The following HGD variants were observed in gnomAD, a reference collection of about 807,000 sequenced individuals.
HGD encodes the protein homogentisate 1,2-dioxygenase.
A neutral mutation model predicts 60.8 loss-of-function variants in HGD; 61 were observed. The observed-to-expected ratio is 1.00, with a 90% CI of 0.82 to 1.24. The LOEUF is 1.24. Among genes scored for constraint, HGD ranks in the 50% most tolerant of loss-of-function variants. HGD has a pLI of 0.00. For synonymous variants in HGD, 212 were observed against 187.7 expected (o/e 1.13, Z -1.06); for missense variants, 542 against 547.1 (o/e 0.99, Z 0.09).
At chr3:120,650,625 A>G in intron 6 of HGD, 149 bp downstream of exon 6, 1 of 702,040 alleles carries the variant, frequency 1.4e-6, no homozygotes, top group Non-Finnish European at 2.6e-6. Context: ...CAATAAATAT[A>G]TATGAATATT....
At chr3:120,643,133 A>AT (rs1429116777) in intron 10 of HGD, among the ~76,000 whole-genome samples, 4 of 151,852 alleles carry the variant, frequency 2.6e-5, no homozygotes, top group Admixed American at 6.6e-5. Flanking sequence ...AAGGATCTGC[A>AT]TTTTTTTTGA....
intron 6 of HGD, among the ~76,000 whole-genome samples, chr3:120,648,296 A>C (rs560506558): frequency 6.6e-6 from 1 of 152,368 alleles, no homozygotes; most frequent in African/African-American, 2.4e-5. Context: ...AGGCAGAAGG[A>C]ACAGCAAGTG....
At chr3:120,677,481 C>T (rs150357284) in intron 1 of HGD, among the ~76,000 whole-genome samples, 4,000 of 152,154 alleles carry the variant, frequency 0.026, 68 homozygotes, top group Middle Eastern at 0.065. Context: ...CCACAGCGCT[C>T]CCAGGCTTAT....
chr3:120,645,011 C>T (rs1941116770), intron 9 of HGD, among the ~76,000 whole-genome samples: 3 of 152,140 alleles, frequency 2.0e-5, no homozygotes, highest in South Asian at 4.1e-4. Flanking sequence ...GTGAGTGTTT[C>T]CTCCAGAGAA....
intron 8 of HGD, among the ~76,000 whole-genome samples, chr3:120,646,745 T>C (rs919246614): frequency 2.1e-4 from 32 of 152,044 alleles, no homozygotes; most frequent in Non-Finnish European, 2.1e-4. Flanking sequence ...TTTAGGAAAG[T>C]GCAATGACAA....
At chr3:120,649,143 T>A (rs546383138) in intron 6 of HGD, among the ~76,000 whole-genome samples, 2 of 134,962 alleles carry the variant, frequency 1.5e-5, no homozygotes, top group South Asian at 5.0e-4. Context: ...CTTTTTCTTT[T>A]TTTTTTTTTT....
rs758291793 is a variant in HGD at position 120,633,158 on chromosome 3, C to A, written c.1177G>T (p.Asp393Tyr). The A allele has an allele frequency of 1.2e-6, 2 of 1,614,038 alleles. No homozygotes were observed. The highest frequency in any genetic ancestry group is 2.7e-5 in the African/African-American group (2 of 75,018). The change falls in exon 13 of 14, where the codon GAT becomes TAT. Residue 393 changes from aspartate to tyrosine, a missense_variant. This residue lies in a region of HGD where 537 missense variants were observed against 529.1 expected (regional missense o/e 1.01). Coordinates refer to ENST00000283871, the MANE Select transcript of HGD (RefSeq NM_000187.4). ...KVKLAPERIA[D>Y]GTMAFMFESS... is the part of the protein sequence containing the mutation. ...GTTAACATACTTACCATGGTGCCAT[C>A]GGCAATCCTCTCAGGTGCCAGCTTG...
At chr3:120,678,222 T>C (rs1708168466) in intron 1 of HGD, among the ~76,000 whole-genome samples, 2 of 152,206 alleles carry the variant, frequency 1.3e-5, no homozygotes, top group Admixed American at 1.3e-4. Context: ...CTGCATCCAA[T>C]TTTCTACTCT....
chr3:120,632,775 G>A (rs1940630473), intron 13 of HGD, among the ~76,000 whole-genome samples: 1 of 152,198 alleles, frequency 6.6e-6, no homozygotes, highest in Admixed American at 6.5e-5. Context: ...TTTGAATAGT[G>A]TTGGACAGTC....
intron 7 of HGD, 97 bp from the exon 8 acceptor site, chr3:120,647,149 C>A: frequency 1.1e-6 from 1 of 913,274 alleles, no homozygotes; most frequent in Non-Finnish European, 1.8e-6. Context: ...CTTTTCCATT[C>A]CAAATGCAAA....
In HGD at chr3:120,677,706, C is replaced by A. The variant is rs367761737; in HGVS notation, c.16-1843G>T. Among the ~76,000 whole-genome samples the A allele has an allele frequency of 1.1e-3, 161 of 152,354 alleles. 1 individual carries two copies. Among genetic ancestry groups the A allele is most frequent in the African/African-American group, 3.8e-3 (158 of 41,590 alleles). ...TAAAGTACTTGATGTCTGTGACCCA[C>A]ACCTATTTGCACACTGCCTCCCCAT... On this transcript the variant is annotated intron_variant, in intron 1 of 13. Transcript: ENST00000283871.
chr3:120,670,625 C>G (rs1708006074), intron 3 of HGD, 93 bp from the exon 4 acceptor site: 13 of 793,888 alleles, frequency 1.6e-5, no homozygotes, highest in South Asian at 1.6e-4. Flanking sequence ...GGAAGACACT[C>G]AAGTCAACAA....
At chr3:120,629,835 T>C (rs1940529003) in intron 13 of HGD, among the ~76,000 whole-genome samples, 1 of 152,118 alleles carries the variant, frequency 6.6e-6, no homozygotes, top group Admixed American at 6.6e-5. Flanking sequence ...AGTCAACCTA[T>C]CCCTGTTTGC....
rs141753513 is a variant in HGD at position 120,633,200 on chromosome 3, C to G, written c.1135G>C (p.Glu379Gln). The G allele has an allele frequency of 3.1e-6, 5 of 1,613,990 alleles. No homozygotes were observed. Among genetic ancestry groups the G allele is most frequent in the Non-Finnish European group, 4.2e-6 (5 of 1,180,020 alleles). ...TPHGPDADCFEKASKVKLAPE... is the reference protein window; with the variant it reads ...TPHGPDADCFQKASKVKLAPE... ...GCCAGCTTGACCTTGCTGGCCTTCT[C>G]AAAGCAGTCAGCATCAGGTCCATGG... The change falls in exon 13 of 14, where the codon GAG becomes CAG. Residue 379 changes from glutamate to glutamine, a missense_variant. By Grantham distance (29) the Glu-to-Gln change is conservative. Around this residue, in one of 2 missense-constraint regions of HGD, gnomAD observed 537 missense variants for 529.1 expected, o/e 1.01. Transcript: ENST00000283871.
intron 3 of HGD, among the ~76,000 whole-genome samples, chr3:120,671,050 C>G (rs1057032003): frequency 6.6e-6 from 1 of 152,132 alleles, no homozygotes; most frequent in African/African-American, 2.4e-5. Flanking sequence ...AAAAATAATT[C>G]AAGTAATTAA....
At chr3:120,674,673 A>T (rs1708088548) in intron 3 of HGD, 1 of 494,642 alleles carries the variant, frequency 2.0e-6, no homozygotes, top group Non-Finnish European at 3.7e-6. Context: ...GGAACTGGAC[A>T]TGTGTATTTT....
At chr3:120,672,572 T>C (rs1249508710) in intron 3 of HGD, among the ~76,000 whole-genome samples, 1 of 152,190 alleles carries the variant, frequency 6.6e-6, no homozygotes, top group Admixed American at 6.5e-5. Context: ...AGTTTCCATT[T>C]GATTTCTCCA....
At chr3:120,630,488 G>A (rs1940549706) in intron 13 of HGD, among the ~76,000 whole-genome samples, 1 of 151,962 alleles carries the variant, frequency 6.6e-6, no homozygotes, top group African/African-American at 2.4e-5. Flanking sequence ...ATAACCATCC[G>A]ATTTTCAATG....
Position 120,650,840 on chromosome 3 carries a change from C to T in HGD, c.368G>A (p.Gly123Glu), listed in dbSNP as rs374473331. Residue 123 changes from glycine (G) to glutamate (E), a missense_variant, in exon 6 of 14, where the codon GGA (glycine) becomes GAA (glutamate). Transcript: ENST00000283871. ...VSGLHTLCGAGDIKSNNGLAI... is the reference protein window; with the variant it reads ...VSGLHTLCGAEDIKSNNGLAI... ...AAGCCCATTGTTAGACTTTATGTCT[C>T]CAGCTCCACACAAGGTATGCAGGCC... The T allele has an allele frequency of 6.2e-7, 1 of 1,613,962 alleles. No homozygotes were observed. Among genetic ancestry groups the T allele is most frequent in the African/African-American group, 1.3e-5 (1 of 75,044 alleles).
Sources: gnomAD v4.1 joint callset for allele counts (sites outside exome capture counted in the v4.1 genomes callset) on GRCh38, gnomAD v4.1.1 for gene constraint, gnomAD v4.1.1 regional missense constraint, MANE v1.5 for transcripts, NCBI Gene and HGNC (gene_info 2026-07-23, HGNC 2026-07-21) for gene names.